The following KCNT2 variants were observed in gnomAD, a reference collection of about 807,000 sequenced individuals.
The protein encoded by KCNT2 is potassium channel subfamily T member 2.
A neutral mutation model predicts 153.8 loss-of-function variants in KCNT2; 67 were observed. The ratio of observed to expected loss-of-function variants is 0.44; its 90% CI spans 0.36 to 0.53. The LOEUF (loss-of-function observed/expected upper bound fraction) is 0.53. Among genes scored for constraint, KCNT2 ranks in the 20% least tolerant of loss-of-function variants. The pLI, the probability that KCNT2 is intolerant of heterozygous loss-of-function variation, is 0.00. For missense variants in KCNT2, 975 were observed against 1,354.8 expected (o/e 0.72, Z 4.40); for synonymous variants, 500 against 458.8 (o/e 1.09, Z -1.15).
intron 25 of KCNT2, among the ~76,000 whole-genome samples, chr1:196,263,387 C>A (rs1444387567): frequency 6.6e-6 from 1 of 151,854 alleles, no homozygotes; most frequent in Non-Finnish European, 1.5e-5. Flanking sequence ...AACATAAGAA[C>A]AGAAAACCAA....
At chr1:196,370,481 T>C (rs1241959856) in intron 14 of KCNT2, among the ~76,000 whole-genome samples, 1 of 152,030 alleles carries the variant, frequency 6.6e-6, no homozygotes, top group Admixed American at 6.6e-5. Flanking sequence ...TTGGGAATTG[T>C]ATTAGTCAGA....
intron 18 of KCNT2, 138 bp from the exon 19 acceptor site, chr1:196,327,027 A>G: frequency 1.8e-6 from 1 of 562,316 alleles, no homozygotes; most frequent in Non-Finnish European, 3.0e-6. Context: ...AAATAGTTAC[A>G]TTTTTCTGTG....
chr1:196,284,249 ATAT>A lies in KCNT2; in HGVS notation c.2697+1405_2697+1407del, dbSNP rs1282539478. On this transcript the variant is annotated intron_variant, in intron 23 of 27. Transcript: ENST00000294725. ...CTGTCTTAAAAAAAAAAAAAAAAAA[ATAT>A]ATATATATATATATATATATATATA... is the stretch of plus-strand genomic sequence containing the variant. Among the ~76,000 whole-genome samples the A allele has an allele frequency of 5.5e-3, 126 of 22,920 alleles. 18 individuals carry two copies. The highest frequency in any genetic ancestry group is 9.4e-3 in the Non-Finnish European group (98 of 10,414). 15.0% of individuals were successfully genotyped at this position (22,920 alleles called of 152,430 possible).
At chr1:196,525,638 G>A (rs182887700) in intron 1 of KCNT2, among the ~76,000 whole-genome samples, 1 of 152,260 alleles carries the variant, frequency 6.6e-6, no homozygotes, top group Admixed American at 6.5e-5. Context: ...TGGGAAGGTA[G>A]CTAAATTTGT....
chr1:196,303,371 A>C (rs1407643680), intron 22 of KCNT2, among the ~76,000 whole-genome samples: 3 of 152,136 alleles, frequency 2.0e-5, no homozygotes, highest in African/African-American at 7.2e-5. Flanking sequence ...GGATAAAGAG[A>C]TATATGTAAT....
intron 21 of KCNT2, among the ~76,000 whole-genome samples, chr1:196,306,372 T>C (rs1661636500): frequency 6.6e-6 from 1 of 152,128 alleles, no homozygotes; most frequent in South Asian, 2.1e-4. Flanking sequence ...TATGAATTTA[T>C]GAATTTATGC....
chr1:196,521,005 A>T (rs1283636226), intron 1 of KCNT2, among the ~76,000 whole-genome samples: 6 of 152,212 alleles, frequency 3.9e-5, no homozygotes, highest in Non-Finnish European at 2.9e-5. Flanking sequence ...AACAGAGTAA[A>T]CAGACATTCT....
chr1:196,266,021 A>G (rs906139654), intron 25 of KCNT2, among the ~76,000 whole-genome samples: 5 of 152,186 alleles, frequency 3.3e-5, no homozygotes, highest in Admixed American at 6.5e-5. Context: ...CCCCAACAAC[A>G]AAAACAAAAC....
At chr1:196,560,404 T>C (rs1659221484) in intron 1 of KCNT2, among the ~76,000 whole-genome samples, 1 of 151,918 alleles carries the variant, frequency 6.6e-6, no homozygotes, top group Non-Finnish European at 1.5e-5. Context: ...ATATGGAGAC[T>C]TCTCTCTCCT....
chr1:196,596,264 T>A (rs961322075), intron 1 of KCNT2, among the ~76,000 whole-genome samples: 1 of 152,062 alleles, frequency 6.6e-6, no homozygotes, highest in African/African-American at 2.4e-5. Context: ...GATTGCTAGA[T>A]CAAATGGTAG....
rs75493103 is a variant in KCNT2, at chr1:196,595,074, A to G, written c.95+13141T>C. ...TTATTGGAGATAGGGTGCATAAAAC[A>G]GACCTGGAATAATGAGCTATGCTGG... is the stretch of plus-strand genomic sequence containing the variant. On this transcript the variant is annotated intron_variant, in intron 1 of 27. Coordinates refer to ENST00000294725, the MANE Select transcript of KCNT2 (RefSeq NM_198503.5). Among the ~76,000 whole-genome samples the G allele has an allele frequency of 6.4e-3, 971 of 152,200 alleles. 4 individuals carry two copies. Among genetic ancestry groups the G allele is most frequent in the Admixed American group, 0.011 (166 of 15,262 alleles).
chr1:196,312,905 G>A (rs1662330030), intron 21 of KCNT2, among the ~76,000 whole-genome samples: 1 of 151,694 alleles, frequency 6.6e-6, no homozygotes, highest in Non-Finnish European at 1.5e-5. Context: ...GATGCTTACT[G>A]ATGAGGGTAA....
chr1:196,449,986 A>G (rs923167214), intron 8 of KCNT2, among the ~76,000 whole-genome samples: 3 of 151,876 alleles, frequency 2.0e-5, no homozygotes, highest in African/African-American at 7.2e-5. Flanking sequence ...ATAGACAACC[A>G]TCTGGGTAGG....
intron 8 of KCNT2, among the ~76,000 whole-genome samples, chr1:196,461,086 G>A (rs1250036974): frequency 6.6e-6 from 1 of 151,648 alleles, no homozygotes; most frequent in Admixed American, 6.6e-5. Context: ...AACACCATTA[G>A]ACCATGTTGT....
At chr1:196,482,297 A>G (rs1337735337) in intron 4 of KCNT2, 34 bp downstream of exon 4, 8 of 1,394,676 alleles carry the variant, frequency 5.7e-6, no homozygotes, top group South Asian at 1.3e-5. Context: ...GAATAAACCC[A>G]GAGATATAGG....
chr1:196,458,286 C>T (rs771961638), intron 8 of KCNT2, among the ~76,000 whole-genome samples: 3 of 151,454 alleles, frequency 2.0e-5, no homozygotes, highest in Non-Finnish European at 4.4e-5. Flanking sequence ...TGTAAGACTT[C>T]AATATTAATT....
At chr1:196,379,925 C>G (rs1669332452) in intron 13 of KCNT2, among the ~76,000 whole-genome samples, 1 of 152,110 alleles carries the variant, frequency 6.6e-6, no homozygotes, top group South Asian at 2.1e-4. Context: ...GAATTCTAAA[C>G]AAGTATTATG....
At chr1:196,250,966 A>C (rs971308604) in intron 26 of KCNT2, among the ~76,000 whole-genome samples, 2 of 152,142 alleles carry the variant, frequency 1.3e-5, no homozygotes, top group Non-Finnish European at 2.9e-5. Context: ...AAATACAGGC[A>C]ATGACAAATC....
intron 13 of KCNT2, among the ~76,000 whole-genome samples, chr1:196,378,881 C>T (rs948130080): frequency 2.0e-5 from 3 of 149,366 alleles, no homozygotes; most frequent in Non-Finnish European, 4.4e-5. Flanking sequence ...CTAGAACCAT[C>T]GCTAAAACTA....
Sources: gnomAD v4.1 joint callset for allele counts (sites outside exome capture counted in the v4.1 genomes callset) on GRCh38, gnomAD v4.1.1 for gene constraint, MANE v1.5 for transcripts, NCBI Gene and HGNC (gene_info 2026-07-23, HGNC 2026-07-21) for gene names.